The following TRERF1 variants were observed in gnomAD, a reference collection of about 807,000 sequenced individuals.
The protein encoded by TRERF1 is transcriptional-regulating factor 1.
In TRERF1, 27 loss-of-function variants were observed where a neutral mutation model predicts 122.9. The ratio of observed to expected loss-of-function variants is 0.22; its 90% confidence interval spans 0.16 to 0.30. The LOEUF (loss-of-function observed/expected upper bound fraction) is 0.30. Ranked by LOEUF, TRERF1 falls within the 10% of genes least tolerant of loss-of-function variation. The pLI is 1.00. For missense variants in TRERF1, 1,248 were observed against 1,560.3 expected (o/e 0.80, Z 3.37); for synonymous variants, 636 against 641.7 (o/e 0.99, Z 0.13).
At chr6:42,395,594 C>T (rs1298439155) in intron 2 of TRERF1, among the ~76,000 whole-genome samples, 4 of 151,858 alleles carry the variant, frequency 2.6e-5, no homozygotes, top group Non-Finnish European at 4.4e-5. Flanking sequence ...GAGAAGAGAC[C>T]GAAGAGAGAA....
intron 3 of TRERF1, among the ~76,000 whole-genome samples, chr6:42,308,227 C>T (rs1787628328): frequency 1.3e-5 from 2 of 152,216 alleles, no homozygotes; most frequent in South Asian, 4.1e-4. Context: ...AAATGTCCAT[C>T]AACTGATGAG....
chr6:42,253,382 A>G (rs993251831), intron 13 of TRERF1, among the ~76,000 whole-genome samples: 1 of 152,164 alleles, frequency 6.6e-6, no homozygotes, highest in East Asian at 1.9e-4. Flanking sequence ...TCCCACCATC[A>G]TGCAAAGAAG....
chr6:42,426,227 G>A (rs375579779), intron 2 of TRERF1, among the ~76,000 whole-genome samples: 27 of 151,930 alleles, frequency 1.8e-4, no homozygotes, highest in Admixed American at 3.3e-4. Context: ...CTACACACCG[G>A]GCACATGACA....
Position 42,366,026 on chromosome 6 carries a change from C to A in TRERF1, c.-453-2947G>T, listed in dbSNP as rs540162914. The stretch of plus-strand genomic sequence containing the variant: ...TACCTCTGCTCACCCCATCTGTAAT[C>A]CCCTGCCCAGTCCATGCACCCCGTC... On this transcript the variant is annotated intron_variant, in intron 2 of 17. Coordinates refer to ENST00000372922, the Ensembl canonical transcript of TRERF1. 1.2e-3 allele frequency among the ~76,000 whole-genome samples: 177 copies of A among 152,278 alleles called. 1 individual carries two copies. The highest frequency in any genetic ancestry group is 4.1e-3 in the African/African-American group (171 of 41,550).
chr6:42,292,325 T>A (rs1260229278), intron 4 of TRERF1, among the ~76,000 whole-genome samples: 2 of 151,936 alleles, frequency 1.3e-5, no homozygotes, highest in Admixed American at 6.6e-5. Flanking sequence ...TTGCCAGGAG[T>A]GGACGCAGGA....
chr6:42,367,392 C>T (rs1046349597), intron 2 of TRERF1, among the ~76,000 whole-genome samples: 4 of 152,182 alleles, frequency 2.6e-5, no homozygotes, highest in Non-Finnish European at 5.9e-5. Flanking sequence ...GGTGAATGCC[C>T]GGGTTTCAAA....
At position 42,278,167 on chromosome 6, in the gene TRERF1, G is replaced by GA. The variant is rs569590082; in HGVS notation, c.-258-8320dup. On this transcript the variant is annotated intron_variant, in intron 4 of 17. Coordinates refer to ENST00000372922, the Ensembl canonical transcript of TRERF1. ...GCCTCATCTTAACCTGACTTGTAGAGACAAAATTCAGGGTTCTGGATCCAG... is the reference window on the plus strand; with the variant it reads ...GCCTCATCTTAACCTGACTTGTAGAGAACAAAATTCAGGGTTCTGGATCCAG... Among the ~76,000 whole-genome samples, 116 of 152,324 alleles carry GA rather than the reference G, an allele frequency of 7.6e-4. 2 individuals are homozygous for GA. Among genetic ancestry groups the GA allele is most frequent in the African/African-American group, 2.7e-3 (111 of 41,578 alleles).
chr6:42,238,834 T>TTC (rs1561800072), intron 15 of TRERF1, among the ~76,000 whole-genome samples: 18 of 69,524 alleles, frequency 2.6e-4, no homozygotes, highest in African/African-American at 7.5e-4. Flanking sequence ...AATCATGCAT[T>TTC]TCACACACAC....
Position 42,263,668 on chromosome 6 carries a change from G to GT in TRERF1, c.1636-101dup. On this transcript the variant is annotated intron_variant, in intron 7 of 17. Transcript: ENST00000372922. This position sits in a 1 kb window ranked among gnomAD's most constrained non-coding sequence, Gnocchi z 5.6. ...AAAGGTTCCAGGACATCAGGTATGGGTGATAGAGAACCGCTGCAGGGCGAT... is the reference window on the plus strand; with the variant it reads ...AAAGGTTCCAGGACATCAGGTATGGGTTGATAGAGAACCGCTGCAGGGCGAT... 1 of 1,347,450 alleles carries GT rather than the reference G, an allele frequency of 7.4e-7. No homozygotes were observed. The highest frequency in any genetic ancestry group is 9.6e-7 in the Non-Finnish European group (1 of 1,045,722). The allele number at this position is 1,347,450 out of a possible 1,614,324, so 83.5% of individuals were successfully genotyped here. A position where few individuals can be genotyped will look rare whatever the true frequency, so the allele number is the denominator to read the frequency against.
intron 3 of TRERF1, among the ~76,000 whole-genome samples, chr6:42,335,681 C>G (rs116135074): frequency 0.012 from 1,783 of 152,294 alleles, 13 homozygotes; most frequent in Non-Finnish European, 0.019. Flanking sequence ...GATTCTCTCT[C>G]TTCTGCCCTC....
At chr6:42,377,692 C>T (rs1055158006) in intron 2 of TRERF1, among the ~76,000 whole-genome samples, 1 of 152,230 alleles carries the variant, frequency 6.6e-6, no homozygotes, top group Non-Finnish European at 1.5e-5. Flanking sequence ...TCCAAACCCT[C>T]CCTACCCAGT....
At chr6:42,246,592 C>G (rs535538645) in intron 13 of TRERF1, 48 bp from the exon 14 acceptor site, 6 of 1,355,780 alleles carry the variant, frequency 4.4e-6, no homozygotes, top group Non-Finnish European at 6.2e-6. Flanking sequence ...GTTCCCCCTG[C>G]TTTTAGTTGC....
intron 3 of TRERF1, among the ~76,000 whole-genome samples, chr6:42,314,315 A>G (rs1397783768): frequency 3.9e-5 from 6 of 152,230 alleles, no homozygotes; most frequent in African/African-American, 1.4e-4. Context: ...AACATGCTTT[A>G]GAGTATGAGT....
intron 2 of TRERF1, among the ~76,000 whole-genome samples, chr6:42,431,347 G>A (rs260251): frequency 0.95 from 145,136 of 152,228 alleles, 69,422 homozygotes; most frequent in East Asian, 1. Flanking sequence ...AGAATGACAA[G>A]TACAGAGAGG....
At chr6:42,364,168 A>G (rs1056478852) in intron 2 of TRERF1, among the ~76,000 whole-genome samples, 1 of 152,122 alleles carries the variant, frequency 6.6e-6, no homozygotes, top group African/African-American at 2.4e-5. Context: ...CATTTCCTCC[A>G]GCCACAATGG....
chr6:42,274,041 T>C (rs892542144), intron 4 of TRERF1, among the ~76,000 whole-genome samples: 3 of 152,244 alleles, frequency 2.0e-5, no homozygotes, highest in African/African-American at 7.2e-5. Flanking sequence ...AACTGGAATA[T>C]AGTTTATTTA....
intron 4 of TRERF1, among the ~76,000 whole-genome samples, chr6:42,282,149 G>A (rs1196983711): frequency 6.6e-6 from 1 of 152,200 alleles, no homozygotes; most frequent in Non-Finnish European, 1.5e-5. Context: ...CTGCAGTATT[G>A]CTAGAAAAGC....
intron 2 of TRERF1, among the ~76,000 whole-genome samples, chr6:42,378,405 C>T (rs1357878443): frequency 1.3e-5 from 2 of 151,254 alleles, no homozygotes; most frequent in Non-Finnish European, 2.9e-5. Context: ...AAAAAACCCA[C>T]ATTTACTAAA....
At chr6:42,370,257 G>C (rs2151027828) in intron 2 of TRERF1, among the ~76,000 whole-genome samples, 1 of 152,268 alleles carries the variant, frequency 6.6e-6, no homozygotes, top group African/African-American at 2.4e-5. Flanking sequence ...ATTTGCTTCT[G>C]TATTTATAAA....
Sources: gnomAD v4.1 joint callset for allele counts (sites outside exome capture counted in the v4.1 genomes callset) on GRCh38, gnomAD v4.1.1 for gene constraint, Gnocchi (gnomAD v3.1) non-coding constraint, MANE v1.5 for transcripts, NCBI Gene and HGNC (gene_info 2026-07-23, HGNC 2026-07-21) for gene names.